The following SCYL3 variants were observed in gnomAD, a reference collection of about 807,000 sequenced individuals.
SCYL3 encodes the protein SCY1 like pseudokinase 3, also known as protein-associating with the carboxyl-terminal domain of ezrin.
A neutral mutation model predicts 73.8 loss-of-function variants in SCYL3; 35 were observed. The ratio of observed to expected loss-of-function variants is 0.47; its 90% CI spans 0.36 to 0.63. The LOEUF (loss-of-function observed/expected upper bound fraction) is 0.63, where lower values mean the gene tolerates loss of function less well. SCYL3 is among the 20% of genes least tolerant of loss of function. SCYL3 has a pLI of 0.00. For synonymous variants in SCYL3, 277 were observed against 295.2 expected, an observed-to-expected ratio of 0.94 and a Z score of 0.63; for missense variants, 712 against 798.9, an observed-to-expected ratio of 0.89 and a Z score of 1.31.
intron 8 of SCYL3, among the ~76,000 whole-genome samples, chr1:169,865,394 A>T (rs1434811957): frequency 1.3e-5 from 2 of 152,096 alleles, no homozygotes; most frequent in East Asian, 3.9e-4. Flanking sequence ...ATTGATACTC[A>T]TTCCCACCTC....
At chr1:169,854,159 G>GACTTT in intron 12 of SCYL3, 111 bp downstream of exon 12, 1 of 864,080 alleles carries the variant, frequency 1.2e-6, no homozygotes, top group African/African-American at 1.7e-5. Context: ...TTTTGTGCTT[G>GACTTT]ACTTGACTAG....
At chr1:169,884,308 TG>T (rs1440437258) in intron 2 of SCYL3, among the ~76,000 whole-genome samples, 2 of 152,220 alleles carry the variant, frequency 1.3e-5, no homozygotes, top group African/African-American at 4.8e-5. Flanking sequence ...CGTTTTGTTT[TG>T]TTTTTGAGAC....
At chr1:169,874,657 G>A (rs534652743) in intron 4 of SCYL3, among the ~76,000 whole-genome samples, 14 of 152,294 alleles carry the variant, frequency 9.2e-5, no homozygotes, top group Admixed American at 2.0e-4. Flanking sequence ...CAGGCTCGGT[G>A]GCTCATATCT....
Position 169,853,728 on chromosome 1 carries a change from T to C in SCYL3, c.2052A>G (p.Glu684=). The change falls in exon 13 of 13, where the codon GAA becomes GAG. Residue 684 remains glutamate (E), a synonymous_variant. Coordinates refer to ENST00000367771, the MANE Select transcript of SCYL3 (RefSeq NM_020423.7). ...GWEEEGELNW[E]DNNW ...ACATCTATTGTCACCAGTTATTATCTTCCCAGTTCAGCTCCCCTTCTTCTT... is the reference window on the plus strand; with the variant it reads ...ACATCTATTGTCACCAGTTATTATCCTCCCAGTTCAGCTCCCCTTCTTCTT... The C allele has an allele frequency of 6.2e-7, 1 of 1,613,718 alleles. No individual in the cohort carries two copies. The highest frequency in any genetic ancestry group is 1.1e-5 in the South Asian group (1 of 91,054).
At chr1:169,874,172 G>A (rs1008876386) in intron 4 of SCYL3, among the ~76,000 whole-genome samples, 2 of 152,148 alleles carry the variant, frequency 1.3e-5, no homozygotes, top group Non-Finnish European at 2.9e-5. Flanking sequence ...GCTACCACAC[G>A]AGATTAGAAA....
At chr1:169,879,766 G>T (rs1057452950) in intron 2 of SCYL3, among the ~76,000 whole-genome samples, 2 of 151,984 alleles carry the variant, frequency 1.3e-5, no homozygotes, top group Non-Finnish European at 2.9e-5. Context: ...TTACCAGAAA[G>T]AATTTAAAGC....
intron 12 of SCYL3, 163 bp from the exon 13 acceptor site, chr1:169,853,935 T>C (rs537365260): frequency 2.2e-5 from 17 of 778,944 alleles, no homozygotes; most frequent in African/African-American, 1.8e-4. Flanking sequence ...AGTTGAAAAG[T>C]AGGATTACAA....
chr1:169,861,952 A>C (rs114244570), intron 10 of SCYL3, among the ~76,000 whole-genome samples: 1,698 of 152,294 alleles, frequency 0.011, 33 homozygotes, highest in African/African-American at 0.039. Flanking sequence ...CAGAGACTGG[A>C]ATGATACAGC....
chr1:169,876,414 G>A (rs1457917214), intron 3 of SCYL3, among the ~76,000 whole-genome samples: 1 of 152,176 alleles, frequency 6.6e-6, no homozygotes, highest in Non-Finnish European at 1.5e-5. Context: ...ATGGGAGTCA[G>A]GGGATATACA....
intron 11 of SCYL3, chr1:169,855,697 AAATC>A: frequency 1.8e-6 from 2 of 1,099,242 alleles, no homozygotes; most frequent in Non-Finnish European, 2.6e-6. Flanking sequence ...AATTACAAAT[AAATC>A]AGTCTCAAAA....
chr1:169,892,605 T>C (rs1052159478), intron 1 of SCYL3, among the ~76,000 whole-genome samples: 3 of 152,164 alleles, frequency 2.0e-5, no homozygotes, highest in Non-Finnish European at 2.9e-5. Flanking sequence ...CCGTAATAGG[T>C]ATTTCGTAGC....
intron 10 of SCYL3, among the ~76,000 whole-genome samples, chr1:169,861,003 C>T (rs546486968): frequency 6.6e-6 from 1 of 152,286 alleles, no homozygotes; most frequent in South Asian, 2.1e-4. Flanking sequence ...ACTCTTTGAC[C>T]TCAGTCCAAT....
At position 169,862,644 on chromosome 1, in the gene SCYL3, T is replaced by C; in HGVS notation, c.1109A>G (p.Gln370Arg). Residue 370 changes from glutamine (Q) to arginine (R), a missense_variant, in exon 10 of 13, where the codon CAG (glutamine) becomes CGG (arginine). Gln to Arg is a conservative substitution (Grantham distance 43, BLOSUM62 1). Coordinates refer to ENST00000367771, the MANE Select transcript of SCYL3 (RefSeq NM_020423.7). ...HIEAYVEHFTQEQLKKVILPQ... is the reference protein window; with the variant it reads ...HIEAYVEHFTREQLKKVILPQ... Reference sequence around the variant, plus strand: ...CAAGATGACTTTCTTCAGCTGCTCCTGAGTGAAGTGCTCCACGTAGGCCTC... The same window carrying C: ...CAAGATGACTTTCTTCAGCTGCTCCCGAGTGAAGTGCTCCACGTAGGCCTC... 6.2e-7 allele frequency: 1 copy of C among 1,614,210 alleles called. No homozygotes were observed. Among genetic ancestry groups the C allele is most frequent in the Non-Finnish European group, 8.5e-7 (1 of 1,180,034 alleles).
intron 2 of SCYL3, among the ~76,000 whole-genome samples, chr1:169,883,587 T>C (rs561239066): frequency 5.9e-5 from 9 of 152,288 alleles, no homozygotes; most frequent in East Asian, 1.9e-4. Context: ...TGGAGGACTA[T>C]GGGCTAGCAT....
chr1:169,853,929 G>T, intron 12 of SCYL3, 157 bp from the exon 13 acceptor site: 1 of 794,920 alleles, frequency 1.3e-6, no homozygotes, highest in African/African-American at 1.8e-5. Context: ...ACAGAAAGTT[G>T]AAAAGTAGGA....
intron 10 of SCYL3, among the ~76,000 whole-genome samples, chr1:169,860,580 C>T (rs1228412555): frequency 6.6e-6 from 1 of 152,208 alleles, no homozygotes; most frequent in African/African-American, 2.4e-5. Flanking sequence ...CAACAGGACT[C>T]AAAAGATAAT....
chr1:169,854,018 C>A, intron 12 of SCYL3: 1 of 578,774 alleles, frequency 1.7e-6, no homozygotes, highest in South Asian at 2.5e-5. Flanking sequence ...GACACCAAAT[C>A]CTTATTTTAA....
chr1:169,878,504 A>C, intron 3 of SCYL3, 130 bp downstream of exon 3: 1 of 791,884 alleles, frequency 1.3e-6, no homozygotes, highest in Non-Finnish European at 1.9e-6. Flanking sequence ...TTTCCTCAGG[A>C]AGTTTTCTAA....
intron 8 of SCYL3, 140 bp from the exon 9 acceptor site, chr1:169,864,648 T>C (rs1416493840): frequency 2.7e-5 from 24 of 900,264 alleles, no homozygotes; most frequent in Admixed American, 3.3e-5. Flanking sequence ...GGTGAACAGA[T>C]TGGTCCCCAA....
Sources: gnomAD v4.1 joint callset for allele counts (sites outside exome capture counted in the v4.1 genomes callset) on GRCh38, gnomAD v4.1.1 for gene constraint, MANE v1.5 for transcripts, NCBI Gene and HGNC (gene_info 2026-07-23, HGNC 2026-07-21) for gene names.